Variants in CPPED1 observed in about 807,000 individuals in gnomAD.
The protein encoded by CPPED1 is calcineurin like phosphoesterase domain containing 1.
Under a neutral mutation model 28.0 loss-of-function variants are expected in CPPED1, and 28 were observed. That is an observed-to-expected ratio of 1.00 (90% CI 0.74 to 1.37). The LOEUF is 1.37. Among genes scored for constraint, CPPED1 ranks in the 40% most tolerant of loss-of-function variants. The probability of loss-of-function intolerance (pLI) is 0.00; values close to 1 mark genes in which losing one functional copy is unlikely to be tolerated. For missense variants in CPPED1, 504 were observed against 416.5 expected, an observed-to-expected ratio of 1.21 and a Z score of -1.83; for synonymous variants, 198 against 180.2, an observed-to-expected ratio of 1.10 and a Z score of -0.79.
chr16:12,727,921 G>C (rs900074836), intron 2 of CPPED1, among the ~76,000 whole-genome samples: 4 of 152,110 alleles, frequency 2.6e-5, no homozygotes, highest in Admixed American at 1.3e-4. Context: ...TCATAAACTG[G>C]CTGCCTGGAA....
intron 2 of CPPED1, among the ~76,000 whole-genome samples, chr16:12,724,072 A>G (rs1225383043): frequency 6.6e-6 from 1 of 152,046 alleles, no homozygotes; most frequent in Non-Finnish European, 1.5e-5. Flanking sequence ...CTTGTGATGT[A>G]TGCAAACCAC....
At chr16:12,765,541 A>T (rs2080433463) in intron 2 of CPPED1, among the ~76,000 whole-genome samples, 1 of 152,262 alleles carries the variant, frequency 6.6e-6, no homozygotes, top group Admixed American at 6.5e-5. Flanking sequence ...TATATTATCC[A>T]AGTGAAATTT....
chr16:12,711,958 G>C (rs544176977), intron 2 of CPPED1, among the ~76,000 whole-genome samples: 6 of 152,252 alleles, frequency 3.9e-5, no homozygotes, highest in Non-Finnish European at 7.4e-5. Flanking sequence ...GCAGGTCTCA[G>C]GTGTTCAGAG....
intron 2 of CPPED1, chr16:12,760,300 G>T (rs1048395312): frequency 1.3e-5 from 2 of 152,004 alleles, no homozygotes; most frequent in Admixed American, 6.6e-5. Flanking sequence ...TCCTTGGGAG[G>T]GTCCTGGAAC....
At chr16:12,677,204 C>T (rs975295642) in intron 3 of CPPED1, among the ~76,000 whole-genome samples, 117 of 152,322 alleles carry the variant, frequency 7.7e-4, no homozygotes, top group African/African-American at 2.5e-3. Flanking sequence ...CCAGAGGACA[C>T]GACTGAAGGT....
chr16:12,778,710 T>A (rs2080512679), intron 2 of CPPED1, among the ~76,000 whole-genome samples: 10 of 152,254 alleles, frequency 6.6e-5, no homozygotes, highest in Admixed American at 6.5e-4. Flanking sequence ...TCTAACCCTG[T>A]CTATGAGCTA....
intron 2 of CPPED1, among the ~76,000 whole-genome samples, chr16:12,734,873 A>G (rs1162951279): frequency 6.6e-6 from 1 of 152,124 alleles, no homozygotes; most frequent in Non-Finnish European, 1.5e-5. Context: ...CGAGGAACAC[A>G]GGGATGAACC....
chr16:12,744,837 A>T (rs2080277068), intron 2 of CPPED1, among the ~76,000 whole-genome samples: 1 of 152,158 alleles, frequency 6.6e-6, no homozygotes, highest in Non-Finnish European at 1.5e-5. Context: ...TACAAAAATA[A>T]GCCAGGCATC....
At chr16:12,683,174 T>C (rs1323032097) in intron 3 of CPPED1, among the ~76,000 whole-genome samples, 1 of 152,178 alleles carries the variant, frequency 6.6e-6, no homozygotes, top group Non-Finnish European at 1.5e-5. Flanking sequence ...GGACCTTGGG[T>C]AAGTGAGATT....
rs181707661 is a variant in CPPED1 at position 12,680,724 on chromosome 16, T to G, written c.716-15609A>C. ...TTACGGAGTGCCTAAGCCAAGCAGCTCTGCCCCTGTGAGACCTGGGGTGGG... is the reference window on the plus strand; with the variant it reads ...TTACGGAGTGCCTAAGCCAAGCAGCGCTGCCCCTGTGAGACCTGGGGTGGG... On this transcript the variant is annotated intron_variant, in intron 3 of 3. Coordinates refer to ENST00000381774, the MANE Select transcript of CPPED1 (RefSeq NM_018340.3). Among the ~76,000 whole-genome samples, 1,516 of 152,246 alleles carry G rather than the reference T, an allele frequency of 1.0e-2. 25 individuals carry two copies. The highest frequency in any genetic ancestry group is 0.035 in the African/African-American group (1,439 of 41,546).
At chr16:12,676,964 C>G (rs553317505) in intron 3 of CPPED1, among the ~76,000 whole-genome samples, 1 of 152,092 alleles carries the variant, frequency 6.6e-6, no homozygotes, top group African/African-American at 2.4e-5. Flanking sequence ...AGGATCTGAA[C>G]CCAGGAGTCT....
At chr16:12,748,475 T>C (rs1026078944) in intron 2 of CPPED1, among the ~76,000 whole-genome samples, 1 of 152,358 alleles carries the variant, frequency 6.6e-6, no homozygotes, top group African/African-American at 2.4e-5. Flanking sequence ...CTCAGAGATA[T>C]TGCAGATTCA....
chr16:12,718,975 C>T (rs976954211), intron 2 of CPPED1, among the ~76,000 whole-genome samples: 10 of 151,814 alleles, frequency 6.6e-5, no homozygotes, highest in African/African-American at 1.7e-4. Flanking sequence ...AAAAGTTTCA[C>T]GGGCTAATAG....
At chr16:12,736,713 G>A in intron 2 of CPPED1, among the ~76,000 whole-genome samples, 1 of 152,216 alleles carries the variant, frequency 6.6e-6, no homozygotes, top group East Asian at 1.9e-4. Flanking sequence ...TAAACACTAA[G>A]ATTCTAGGCA....
At chr16:12,790,580 C>T (rs9302488) in intron 1 of CPPED1, among the ~76,000 whole-genome samples, 6 of 152,006 alleles carry the variant, frequency 3.9e-5, no homozygotes, top group South Asian at 2.1e-4. Flanking sequence ...AAATAATTCA[C>T]GGTAGAATAC....
chr16:12,670,568 G>C lies in CPPED1; in HGVS notation c.716-5453C>G, dbSNP rs1165162802. ...ACTGGACAAACACCAAAAGCGATAAGTCACATGATTAGTATGTGCTCTTGA... is the reference window on the plus strand; with the variant it reads ...ACTGGACAAACACCAAAAGCGATAACTCACATGATTAGTATGTGCTCTTGA... On this transcript the variant is annotated intron_variant, in intron 3 of 3. Coordinates refer to ENST00000381774, the MANE Select transcript of CPPED1 (RefSeq NM_018340.3). This position sits in a 1 kb window ranked among gnomAD's most constrained non-coding sequence, Gnocchi z 4.2. Among the ~76,000 whole-genome samples, 3 of 152,116 alleles carry C rather than the reference G, an allele frequency of 2.0e-5. No individual in the cohort carries two copies. The highest frequency in any genetic ancestry group is 4.4e-5 in the Non-Finnish European group (3 of 68,022).
chr16:12,742,337 G>A (rs566125596), intron 2 of CPPED1, among the ~76,000 whole-genome samples: 1 of 152,300 alleles, frequency 6.6e-6, no homozygotes. Context: ...TGAAATAACT[G>A]TGGGATTTTA....
chr16:12,777,028 T>G lies in CPPED1; in HGVS notation c.289+4157A>C, dbSNP rs565945649. ...GCTTATAAATTACTCAGTCTGAAAT[T>G]TGTCTTTATCAGCAGCATGAAAACA... On this transcript the variant is annotated intron_variant, in intron 2 of 3. Coordinates refer to ENST00000381774, the MANE Select transcript of CPPED1 (RefSeq NM_018340.3). 2.6e-5 allele frequency among the ~76,000 whole-genome samples: 4 copies of G among 152,316 alleles called. No individual in the cohort carries two copies. In the South Asian group the frequency reaches 6.2e-4, roughly 24 times the overall value.
intron 3 of CPPED1, among the ~76,000 whole-genome samples, chr16:12,691,030 C>A (rs1596447396): frequency 4.6e-5 from 7 of 152,182 alleles, no homozygotes; most frequent in Admixed American, 4.6e-4. Flanking sequence ...GCCCACGGTG[C>A]ATTCTGCTCA....
Sources: allele counts gnomAD v4.1 joint callset (sites outside exome capture counted in the v4.1 genomes callset), GRCh38; gene constraint gnomAD v4.1.1; non-coding constraint Gnocchi (gnomAD v3.1); transcripts MANE v1.5; gene names NCBI Gene and HGNC (gene_info 2026-07-23, HGNC 2026-07-21).